The following CTNNA2 variants were observed in gnomAD, a reference collection of about 807,000 sequenced individuals.
CTNNA2 encodes the protein catenin alpha 2, also known as catenin alpha-2.
CTNNA2 carries 42 observed loss-of-function variants against 101.0 expected under a neutral mutation model. The observed-to-expected ratio is 0.42, with a 90% CI of 0.32 to 0.54. The LOEUF (loss-of-function observed/expected upper bound fraction) is 0.54, where lower values mean the gene tolerates loss of function less well. Ranked by LOEUF, CTNNA2 falls within the 20% of genes least tolerant of loss-of-function variation. The pLI, the probability that CTNNA2 is intolerant of heterozygous loss-of-function variation, is 0.14. For synonymous variants in CTNNA2, 450 were observed against 456.4 expected (o/e 0.99, Z 0.18); for missense variants, 871 against 1,223.1 (o/e 0.71, Z 4.29).
chr2:79,226,173 CTT>C (rs1250965641), intron 2 of CTNNA2, among the ~76,000 whole-genome samples: 1 of 152,178 alleles, frequency 6.6e-6, no homozygotes, highest in Non-Finnish European at 1.5e-5. Context: ...TGAAACGAAA[CTT>C]TATCTCCATC....
intron 7 of CTNNA2, among the ~76,000 whole-genome samples, chr2:80,157,250 A>G (rs1197464135): frequency 2.6e-5 from 4 of 152,136 alleles, no homozygotes; most frequent in Non-Finnish European, 5.9e-5. Flanking sequence ...GTTTCCAAAA[A>G]TGCTCCTACC....
At chr2:79,672,436 C>T (rs915922318) in intron 2 of CTNNA2, among the ~76,000 whole-genome samples, 6 of 151,664 alleles carry the variant, frequency 4.0e-5, no homozygotes, top group African/African-American at 1.2e-4. Flanking sequence ...TTTTTGTAAT[C>T]GGTTCTAAGA....
intron 1 of CTNNA2, among the ~76,000 whole-genome samples, chr2:79,602,367 A>T (rs942537608): frequency 2.0e-5 from 3 of 152,182 alleles, no homozygotes; most frequent in African/African-American, 2.4e-5. Flanking sequence ...AAAAACTCTA[A>T]AACAGTAGGT....
At chr2:79,515,665 G>A (rs889013538) in intron 1 of CTNNA2, among the ~76,000 whole-genome samples, 3 of 152,194 alleles carry the variant, frequency 2.0e-5, no homozygotes, top group Non-Finnish European at 2.9e-5. Flanking sequence ...AGAGAGATGA[G>A]TACAATTAAT....
intron 1 of CTNNA2, among the ~76,000 whole-genome samples, chr2:79,561,631 T>C (rs1339402134): frequency 1.3e-5 from 2 of 151,836 alleles, no homozygotes; most frequent in African/African-American, 4.8e-5. Flanking sequence ...GCCATGGTAG[T>C]GAGTGTGAAG....
At chr2:79,534,412 G>C (rs1047049861) in intron 1 of CTNNA2, among the ~76,000 whole-genome samples, 1 of 151,956 alleles carries the variant, frequency 6.6e-6, no homozygotes, top group Non-Finnish European at 1.5e-5. Context: ...TTGTTATAAC[G>C]CTAGGATAAG....
chr2:80,285,366 C>G (rs1674676722), intron 7 of CTNNA2, among the ~76,000 whole-genome samples: 1 of 152,152 alleles, frequency 6.6e-6, no homozygotes, highest in Non-Finnish European at 1.5e-5. Flanking sequence ...GTGGGACTAC[C>G]CACATTCTCA....
intron 9 of CTNNA2, among the ~76,000 whole-genome samples, chr2:80,446,564 A>G (rs1025181209): frequency 6.6e-6 from 1 of 152,148 alleles, no homozygotes; most frequent in East Asian, 1.9e-4. Flanking sequence ...TTTAGCTTCT[A>G]GTTTTCTTTG....
intron 3 of CTNNA2, among the ~76,000 whole-genome samples, chr2:79,824,803 C>G (rs1452466668): frequency 6.6e-6 from 1 of 152,086 alleles, no homozygotes; most frequent in African/African-American, 2.4e-5. Flanking sequence ...AAAAGTTCCC[C>G]TTTTTTTGGT....
chr2:79,363,485 G>C (rs1461621435), intron 3 of CTNNA2, among the ~76,000 whole-genome samples: 1 of 151,712 alleles, frequency 6.6e-6, no homozygotes, highest in Non-Finnish European at 1.5e-5. Flanking sequence ...TTTAACGTAT[G>C]TAAAGTGCTT....
intron 7 of CTNNA2, among the ~76,000 whole-genome samples, chr2:80,228,889 G>A (rs1387762352): frequency 6.6e-6 from 1 of 152,088 alleles, no homozygotes; most frequent in African/African-American, 2.4e-5. Flanking sequence ...TTCTCATTTT[G>A]TAACAGCAAA....
chr2:80,236,729 C>A (rs79794840), intron 7 of CTNNA2, among the ~76,000 whole-genome samples: 9,779 of 152,194 alleles, frequency 0.064, 414 homozygotes, highest in Middle Eastern at 0.095. Flanking sequence ...TGTCAAGGAG[C>A]CTTATGTCTG....
intron 3 of CTNNA2, among the ~76,000 whole-genome samples, chr2:79,855,408 C>T (rs578097636): frequency 1.3e-5 from 2 of 152,314 alleles, no homozygotes; most frequent in Admixed American, 6.5e-5. Context: ...TGCCAGTACA[C>T]TTCTGCCAGA....
intron 1 of CTNNA2, among the ~76,000 whole-genome samples, chr2:79,576,862 T>G (rs1298581556): frequency 1.3e-5 from 2 of 152,160 alleles, no homozygotes; most frequent in African/African-American, 4.8e-5. Context: ...GACTTTACTA[T>G]GGATCATTTG....
chr2:79,294,408 A>C (rs1444263903), intron 2 of CTNNA2, among the ~76,000 whole-genome samples: 1 of 152,118 alleles, frequency 6.6e-6, no homozygotes, highest in African/African-American at 2.4e-5. Context: ...CTTAAGTCCT[A>C]TCTGCAAATA....
At position 79,731,319 on chromosome 2, in the gene CTNNA2, G is replaced by A. The variant is rs138103391; in HGVS notation, c.103-13068G>A. On this transcript the variant is annotated intron_variant, in intron 2 of 18. Transcript: ENST00000402739. Reference sequence around the variant, plus strand: ...ATGATTTAGACTTGTTTATTGAAGTGTGGTCTCAGGGAGCCCTGTACTCTC... The same window carrying A: ...ATGATTTAGACTTGTTTATTGAAGTATGGTCTCAGGGAGCCCTGTACTCTC... Among the ~76,000 whole-genome samples the A allele has an allele frequency of 8.6e-3, 1,303 of 152,168 alleles. 17 individuals are homozygous for A. The highest frequency in any genetic ancestry group is 0.03 in the African/African-American group (1,237 of 41,548).
At chr2:79,691,754 A>G (rs564834247) in intron 2 of CTNNA2, among the ~76,000 whole-genome samples, 2 of 152,138 alleles carry the variant, frequency 1.3e-5, no homozygotes, top group Admixed American at 1.3e-4. Flanking sequence ...ACAAACCTGA[A>G]AAAAACAAGC....
At chr2:79,390,675 T>G (rs1226005885) in intron 4 of CTNNA2, among the ~76,000 whole-genome samples, 2 of 152,170 alleles carry the variant, frequency 1.3e-5, no homozygotes, top group African/African-American at 4.8e-5. Flanking sequence ...CTAGCCCTGG[T>G]TTTCACATAT....
At chr2:79,874,410 G>T in intron 6 of CTNNA2, 68 bp downstream of exon 6, 2 of 1,516,864 alleles carry the variant, frequency 1.3e-6, no homozygotes, top group Non-Finnish European at 9.0e-7. Context: ...AATGTATTGA[G>T]GATGAAGGGC....
Sources: gnomAD v4.1 joint callset for allele counts (sites outside exome capture counted in the v4.1 genomes callset) on GRCh38, gnomAD v4.1.1 for gene constraint, MANE v1.5 for transcripts, NCBI Gene and HGNC (gene_info 2026-07-23, HGNC 2026-07-21) for gene names.